Variants in ZNF521 observed in about 807,000 individuals in gnomAD.
ZNF521 encodes LYST-interacting protein 3.
Under a neutral mutation model 105.5 loss-of-function variants are expected in ZNF521, and 14 were observed. The observed-to-expected ratio is 0.13, with a 90% confidence interval of 0.09 to 0.21. The LOEUF (loss-of-function observed/expected upper bound fraction) is 0.21, where lower values mean the gene tolerates loss of function less well. ZNF521 is among the 10% of genes least tolerant of loss of function. The probability of loss-of-function intolerance (pLI) is 1.00; values close to 1 mark genes in which losing one functional copy is unlikely to be tolerated. For missense variants in ZNF521, 1,233 were observed against 1,629.7 expected (o/e 0.76, Z 4.19); for synonymous variants, 635 against 606.0 (o/e 1.05, Z -0.70).
At chr18:25,153,986 A>G (rs1444776011) in intron 5 of ZNF521, among the ~76,000 whole-genome samples, 2 of 152,188 alleles carry the variant, frequency 1.3e-5, no homozygotes, top group Non-Finnish European at 2.9e-5. Flanking sequence ...AGGAGAAGTC[A>G]CAGAAACAAT....
At chr18:25,301,604 A>G (rs996260941) in intron 3 of ZNF521, among the ~76,000 whole-genome samples, 2 of 152,210 alleles carry the variant, frequency 1.3e-5, no homozygotes, top group African/African-American at 4.8e-5. Context: ...TGACCTGTCC[A>G]TCAGAGGAAA....
chr18:25,189,574 C>T (rs1217549688), intron 5 of ZNF521, among the ~76,000 whole-genome samples: 1 of 152,212 alleles, frequency 6.6e-6, no homozygotes, highest in Non-Finnish European at 1.5e-5. Context: ...TATAAGGCAC[C>T]TTGCTGTCAT....
intron 3 of ZNF521, among the ~76,000 whole-genome samples, chr18:25,253,534 T>G (rs1278834732): frequency 6.6e-6 from 1 of 152,134 alleles, no homozygotes; most frequent in Non-Finnish European, 1.5e-5. Flanking sequence ...TTCAAAAAAG[T>G]TGGGGTGCTC....
chr18:25,122,903 A>G (rs1046578073), intron 5 of ZNF521, among the ~76,000 whole-genome samples: 2 of 152,248 alleles, frequency 1.3e-5, no homozygotes, highest in African/African-American at 4.8e-5. Context: ...AACTTGGTCC[A>G]GTGTGGCAGT....
chr18:25,078,170 G>A (rs983206812), intron 7 of ZNF521, among the ~76,000 whole-genome samples: 2 of 152,284 alleles, frequency 1.3e-5, no homozygotes, highest in Non-Finnish European at 1.5e-5. Flanking sequence ...GGGCGGCTGG[G>A]GGTCCTTTGA....
At chr18:25,217,110 G>GTGA (rs1905378340) in intron 4 of ZNF521, among the ~76,000 whole-genome samples, 1 of 152,140 alleles carries the variant, frequency 6.6e-6, no homozygotes, top group African/African-American at 2.4e-5. Flanking sequence ...TTGTAAGCTG[G>GTGA]TGAGGCGTTG....
chr18:25,149,005 C>T (rs572570356), intron 5 of ZNF521, among the ~76,000 whole-genome samples: 1 of 150,754 alleles, frequency 6.6e-6, no homozygotes, highest in South Asian at 2.2e-4. Context: ...AGGAACTGTA[C>T]CCATGATGTC....
intron 3 of ZNF521, among the ~76,000 whole-genome samples, chr18:25,305,007 A>G (rs900270045): frequency 2.0e-5 from 3 of 152,206 alleles, no homozygotes; most frequent in Admixed American, 6.5e-5. Context: ...CACATATACT[A>G]TAAGTATGTT....
At chr18:25,307,628 G>A (rs138827756) in intron 3 of ZNF521, among the ~76,000 whole-genome samples, 103 of 152,182 alleles carry the variant, frequency 6.8e-4, no homozygotes, top group Non-Finnish European at 1.4e-3. Context: ...TGGTATTCAC[G>A]CCTTTGTATA....
intron 4 of ZNF521, among the ~76,000 whole-genome samples, chr18:25,222,124 G>A (rs1446599522): frequency 6.6e-6 from 1 of 152,022 alleles, no homozygotes; most frequent in East Asian, 1.9e-4. Context: ...TTATTAATCA[G>A]GTTTCATAGG....
chr18:25,083,931 ATTTTTTTTTTTTT>A (rs56364504), intron 7 of ZNF521, among the ~76,000 whole-genome samples: 1,116 of 57,970 alleles, frequency 0.019, 26 homozygotes, highest in African/African-American at 0.064. Flanking sequence ...AACCTGGGTA[ATTTTTTTTTTTTT>A]TTTTTTTTTT....
chr18:25,295,293 T>C (rs1166200799), intron 3 of ZNF521, among the ~76,000 whole-genome samples: 1 of 152,238 alleles, frequency 6.6e-6, no homozygotes, highest in East Asian at 1.9e-4. Flanking sequence ...CTTGGGTCAA[T>C]TCGACATTTG....
intron 5 of ZNF521, among the ~76,000 whole-genome samples, chr18:25,116,393 G>C: frequency 6.6e-6 from 1 of 152,114 alleles, no homozygotes; most frequent in East Asian, 1.9e-4. Flanking sequence ...GCCATTCTGG[G>C]AATCAGTTTA....
In ZNF521 at chr18:25,271,287, G is replaced by A. The variant is rs552106852; in HGVS notation, c.221-43590C>T. ...TAAGAGAGGACATAAACAAATGGAA[G>A]AACATTCCATGCTCATGGTAGGAAG... is the stretch of plus-strand genomic sequence containing the variant. On this transcript the variant is annotated intron_variant, in intron 3 of 7. Coordinates refer to ENST00000361524, the MANE Select transcript of ZNF521 (RefSeq NM_015461.3). 3.9e-5 allele frequency among the ~76,000 whole-genome samples: 6 copies of A among 152,230 alleles called. No individual in the cohort carries two copies. In the South Asian group the frequency reaches 1.0e-3, roughly 26 times the overall value.
chr18:25,234,360 G>A (rs1030705101), intron 3 of ZNF521, among the ~76,000 whole-genome samples: 4 of 152,114 alleles, frequency 2.6e-5, no homozygotes, highest in Admixed American at 2.6e-4. Flanking sequence ...TGAGTTAGAA[G>A]GCATTTATTA....
intron 4 of ZNF521, among the ~76,000 whole-genome samples, chr18:25,199,889 T>C (rs1339857218): frequency 6.6e-6 from 1 of 152,058 alleles, no homozygotes; most frequent in African/African-American, 2.4e-5. Context: ...AAATCTAATA[T>C]ATAAACTCTA....
At chr18:25,201,841 T>C (rs1323663960) in intron 4 of ZNF521, 1 of 152,162 alleles carries the variant, frequency 6.6e-6, no homozygotes, top group African/African-American at 2.4e-5. Context: ...ACCCTGAGTT[T>C]CCTTCTCTGC....
intron 3 of ZNF521, among the ~76,000 whole-genome samples, chr18:25,246,771 A>G (rs890639177): frequency 6.6e-6 from 1 of 152,178 alleles, no homozygotes; most frequent in African/African-American, 2.4e-5. Context: ...CAGTTCAATT[A>G]TTATTGATGT....
At chr18:25,332,926 G>C (rs1355126582) in intron 2 of ZNF521, among the ~76,000 whole-genome samples, 2 of 152,112 alleles carry the variant, frequency 1.3e-5, no homozygotes, top group Non-Finnish European at 2.9e-5. Flanking sequence ...CATTATCATA[G>C]TAACTGTAAA....
Sources: gnomAD v4.1 joint callset for allele counts (sites outside exome capture counted in the v4.1 genomes callset) on GRCh38, gnomAD v4.1.1 for gene constraint, MANE v1.5 for transcripts, NCBI Gene and HGNC (gene_info 2026-07-23, HGNC 2026-07-21) for gene names.